HS6ST3: variants seen among roughly 807,000 people sequenced by gnomAD.
HS6ST3 encodes heparan sulfate 6-O-sulfotransferase 3.
In HS6ST3, 12 loss-of-function variants were observed where a neutral mutation model predicts 36.7. The ratio of observed to expected loss-of-function variants is 0.33; its 90% CI spans 0.21 to 0.53. The LOEUF is 0.53. Among genes scored for constraint, HS6ST3 ranks in the 20% least tolerant of loss-of-function variants. The pLI, the probability that HS6ST3 is intolerant of heterozygous loss-of-function variation, is 0.95. For synonymous variants in HS6ST3, 240 were observed against 257.5 expected (o/e 0.93, Z 0.65); for missense variants, 584 against 640.9 (o/e 0.91, Z 0.96).
At chr13:96,243,274 C>A (rs556277526) in intron 1 of HS6ST3, among the ~76,000 whole-genome samples, 5 of 152,290 alleles carry the variant, frequency 3.3e-5, no homozygotes, top group African/African-American at 1.2e-4. Context: ...AATATTAGTG[C>A]TAAGATTTTA....
intron 1 of HS6ST3, among the ~76,000 whole-genome samples, chr13:96,195,495 G>A (rs2054307791): frequency 6.6e-6 from 1 of 152,164 alleles, no homozygotes; most frequent in African/African-American, 2.4e-5. Context: ...TCAAGTGTGT[G>A]CATAAATTCT....
intron 1 of HS6ST3, among the ~76,000 whole-genome samples, chr13:96,789,646 T>G (rs1877733047): frequency 6.6e-6 from 1 of 151,848 alleles, no homozygotes; most frequent in African/African-American, 2.4e-5. Flanking sequence ...ATGTCTTTAT[T>G]TCACCTTTAT....
chr13:96,392,245 A>G (rs2055399517), intron 1 of HS6ST3, among the ~76,000 whole-genome samples: 1 of 152,178 alleles, frequency 6.6e-6, no homozygotes, highest in African/African-American at 2.4e-5. Flanking sequence ...CTATCATTTT[A>G]TCCTTTGACC....
intron 1 of HS6ST3, among the ~76,000 whole-genome samples, chr13:96,691,976 G>A (rs1463534596): frequency 6.6e-6 from 1 of 152,022 alleles, no homozygotes; most frequent in Non-Finnish European, 1.5e-5. Context: ...TTGAGCCTAA[G>A]CCTAAATACA....
At chr13:96,641,959 G>A (rs1308028179) in intron 1 of HS6ST3, among the ~76,000 whole-genome samples, 2 of 151,590 alleles carry the variant, frequency 1.3e-5, no homozygotes, top group Non-Finnish European at 2.9e-5. Flanking sequence ...TTTTTTAAAT[G>A]TACCTATGTG....
intron 1 of HS6ST3, among the ~76,000 whole-genome samples, chr13:96,372,530 G>T (rs1487233172): frequency 6.6e-6 from 1 of 151,894 alleles, no homozygotes; most frequent in Non-Finnish European, 1.5e-5. Context: ...CTGTGCTTTT[G>T]GTGTCATATC....
At chr13:96,100,251 C>T (rs750965720) in intron 1 of HS6ST3, among the ~76,000 whole-genome samples, 58 of 151,586 alleles carry the variant, frequency 3.8e-4, no homozygotes, top group Non-Finnish European at 7.2e-4. Context: ...ATTTGGAGGT[C>T]GAGTATATTT....
chr13:96,580,719 T>A (rs998418178), intron 1 of HS6ST3, among the ~76,000 whole-genome samples: 1 of 152,216 alleles, frequency 6.6e-6, no homozygotes, highest in African/African-American at 2.4e-5. Flanking sequence ...GTTTTCTATG[T>A]ACTCATTTAT....
At chr13:96,759,852 C>T (rs1876922210) in intron 1 of HS6ST3, among the ~76,000 whole-genome samples, 1 of 151,978 alleles carries the variant, frequency 6.6e-6, no homozygotes. Flanking sequence ...TGTGAAGGGT[C>T]TATCCTAATA....
At chr13:96,807,184 G>A (rs1224164248) in intron 1 of HS6ST3, among the ~76,000 whole-genome samples, 1 of 152,162 alleles carries the variant, frequency 6.6e-6, no homozygotes, top group Admixed American at 6.5e-5. Flanking sequence ...CCAGAAAGAT[G>A]CTGGTTGCTG....
chr13:96,667,767 G>C (rs1372007003), intron 1 of HS6ST3, among the ~76,000 whole-genome samples: 1 of 152,058 alleles, frequency 6.6e-6, no homozygotes, highest in Non-Finnish European at 1.5e-5. Flanking sequence ...ATTATACATG[G>C]ACTTGGCTGT....
chr13:96,500,385 G>T (rs1049629683), intron 1 of HS6ST3, among the ~76,000 whole-genome samples: 1 of 152,130 alleles, frequency 6.6e-6, no homozygotes, highest in Non-Finnish European at 1.5e-5. Context: ...TAATGCTGCT[G>T]TAAACATTCA....
At chr13:96,591,007 T>A (rs2138975370) in intron 1 of HS6ST3, among the ~76,000 whole-genome samples, 1 of 152,102 alleles carries the variant, frequency 6.6e-6, no homozygotes, top group Non-Finnish European at 1.5e-5. Context: ...TGTAGGTGTA[T>A]AAATTTGTTT....
chr13:96,382,095 T>A (rs574411553), intron 1 of HS6ST3, among the ~76,000 whole-genome samples: 1 of 152,254 alleles, frequency 6.6e-6, no homozygotes, highest in Non-Finnish European at 1.5e-5. Context: ...AGGAGCCTGC[T>A]ACTCAGGGAG....
intron 1 of HS6ST3, among the ~76,000 whole-genome samples, chr13:96,196,179 G>A (rs371979055): frequency 6.6e-6 from 1 of 151,964 alleles, no homozygotes; most frequent in Non-Finnish European, 1.5e-5. Flanking sequence ...CTCTGCCACC[G>A]GCTGAGGCAG....
At chr13:96,334,319 C>T (rs574925169) in intron 1 of HS6ST3, among the ~76,000 whole-genome samples, 2 of 152,222 alleles carry the variant, frequency 1.3e-5, no homozygotes, top group East Asian at 3.9e-4. Context: ...TGTGGCACCT[C>T]TTCCCAACTC....
intron 1 of HS6ST3, among the ~76,000 whole-genome samples, chr13:96,688,339 G>C (rs916347245): frequency 6.6e-6 from 1 of 151,914 alleles, no homozygotes; most frequent in Non-Finnish European, 1.5e-5. Flanking sequence ...GATGAATGCT[G>C]TGCTTCTATG....
At chr13:96,516,165 G>A (rs867923746) in intron 1 of HS6ST3, among the ~76,000 whole-genome samples, 5 of 151,688 alleles carry the variant, frequency 3.3e-5, no homozygotes, top group South Asian at 2.1e-4. Context: ...TGGTTCAAGC[G>A]ATTCTCCTGC....
At chr13:96,304,569 C>T (rs1418413877) in intron 1 of HS6ST3, among the ~76,000 whole-genome samples, 1 of 151,786 alleles carries the variant, frequency 6.6e-6, no homozygotes, top group Non-Finnish European at 1.5e-5. Flanking sequence ...CTGGGGATGT[C>T]TTTGGAGGAC....
Sources: allele counts gnomAD v4.1 joint callset (sites outside exome capture counted in the v4.1 genomes callset), GRCh38; gene constraint gnomAD v4.1.1; transcripts MANE v1.5; gene names NCBI Gene and HGNC (gene_info 2026-07-23, HGNC 2026-07-21).